The following LRIF1 variants were observed in gnomAD, a reference collection of about 807,000 sequenced individuals.
LRIF1 encodes the protein ligand-dependent nuclear receptor-interacting factor 1.
LRIF1 carries 32 observed loss-of-function variants against 52.7 expected under a neutral mutation model. That is an observed-to-expected ratio of 0.61 (90% CI 0.46 to 0.82). LRIF1 has a LOEUF of 0.82. Ranked by LOEUF, LRIF1 falls within the 40% of genes least tolerant of loss-of-function variation. LRIF1 has a pLI of 0.00. For synonymous variants in LRIF1, 323 were observed against 317.4 expected, an observed-to-expected ratio of 1.02 and a Z score of -0.19; for missense variants, 887 against 892.0, an observed-to-expected ratio of 0.99 and a Z score of 0.07.
the LRIF1 span, among the ~76,000 whole-genome samples, chr1:110,910,718 A>G: frequency 2.0e-5 from 3 of 152,234 alleles, no homozygotes; most frequent in Non-Finnish European, 4.4e-5. Context: ...CCACATAATT[A>G]CATGAAAATT....
At chr1:110,878,703 C>T in the LRIF1 span, among the ~76,000 whole-genome samples, 1 of 151,970 alleles carries the variant, frequency 6.6e-6, no homozygotes, top group East Asian at 1.9e-4. Context: ...GTTTCTCTAC[C>T]AAACACTTCC....
At chr1:110,890,808 A>G in the LRIF1 span, among the ~76,000 whole-genome samples, 1 of 152,240 alleles carries the variant, frequency 6.6e-6, no homozygotes, top group Non-Finnish European at 1.5e-5. Flanking sequence ...TCTGGAGGAT[A>G]GCTACTGCTT....
the LRIF1 span, chr1:110,940,527 C>T: frequency 6.6e-6 from 1 of 152,196 alleles, no homozygotes; most frequent in Non-Finnish European, 1.5e-5. Flanking sequence ...GATATCTGAA[C>T]TTCCATGTTT....
chr1:110,918,989 C>T, the LRIF1 span, among the ~76,000 whole-genome samples: 1 of 152,192 alleles, frequency 6.6e-6, no homozygotes, highest in African/African-American at 2.4e-5. Flanking sequence ...CCAGTTTACA[C>T]CTGAGTTAGA....
the LRIF1 span, chr1:110,880,146 A>G: frequency 1.4e-4 from 21 of 152,246 alleles, no homozygotes; most frequent in African/African-American, 4.8e-4. Context: ...GCATAGAACC[A>G]TGAGTCATGC....
At chr1:110,915,768 C>T in the LRIF1 span, among the ~76,000 whole-genome samples, 1 of 152,192 alleles carries the variant, frequency 6.6e-6, no homozygotes, top group South Asian at 2.1e-4. Context: ...TGTTCAAATG[C>T]TATTTATGTC....
In LRIF1 at chr1:110,951,917, C is replaced by T; in HGVS notation, c.967G>A (p.Asp323Asn). ...GTATTATCTCCCAAATTTTTCCTATCTACAAAAGTTTTTAAAATCTTTGAA... is the reference window on the plus strand; with the variant it reads ...GTATTATCTCCCAAATTTTTCCTATTTACAAAAGTTTTTAAAATCTTTGAA... ...VASKILKTFV[D>N]RKNLGDNTIN... The change falls in exon 2 of 4, where the codon GAT becomes AAT. Residue 323 changes from aspartate (D) to asparagine (N), a missense_variant. Physicochemically the swap from Asp to Asn is conservative, Grantham distance 23. Coordinates refer to ENST00000369763, the MANE Select transcript of LRIF1 (RefSeq NM_018372.4). 5 of 1,613,976 alleles carry T rather than the reference C, an allele frequency of 3.1e-6. No homozygotes were observed. Among genetic ancestry groups the T allele is most frequent in the Non-Finnish European group, 4.2e-6 (5 of 1,179,974 alleles).
the LRIF1 span, among the ~76,000 whole-genome samples, chr1:110,934,790 G>C: frequency 0.057 from 8,684 of 152,242 alleles, 296 homozygotes; most frequent in East Asian, 0.13. Flanking sequence ...AGGGAAGGAG[G>C]CGGGCCTGGC....
chr1:110,887,709 G>C, the LRIF1 span, among the ~76,000 whole-genome samples: 1 of 152,164 alleles, frequency 6.6e-6, no homozygotes, highest in African/African-American at 2.4e-5. Context: ...TGTGAATCTT[G>C]GAGTTTTCCA....
chr1:110,916,038 T>C, the LRIF1 span, among the ~76,000 whole-genome samples: 1 of 152,124 alleles, frequency 6.6e-6, no homozygotes, highest in African/African-American at 2.4e-5. Flanking sequence ...ATGTGAAATG[T>C]AGACCTTCAA....
intron 1 of LRIF1, among the ~76,000 whole-genome samples, chr1:110,962,357 G>A (rs1658997326): frequency 1.3e-5 from 2 of 151,960 alleles, no homozygotes; most frequent in South Asian, 4.1e-4. Context: ...CTCTTTTTAT[G>A]ATTTGAAATA....
intron 3 of LRIF1, among the ~76,000 whole-genome samples, chr1:110,949,081 C>CTGTGTG (rs985352950): frequency 2.6e-5 from 4 of 151,710 alleles, no homozygotes; most frequent in Non-Finnish European, 5.9e-5. Flanking sequence ...GCATTTTTAC[C>CTGTGTG]TGTGCGTGTG....
At chr1:110,924,582 A>G in the LRIF1 span, among the ~76,000 whole-genome samples, 3 of 152,332 alleles carry the variant, frequency 2.0e-5, 1 homozygote, top group South Asian at 4.1e-4. Context: ...ACTCACTATC[A>G]TGAGAACAAC....
At chr1:110,877,779 C>T in the LRIF1 span, among the ~76,000 whole-genome samples, 6 of 152,286 alleles carry the variant, frequency 3.9e-5, no homozygotes, top group South Asian at 2.1e-4. Context: ...TGAATGGACA[C>T]GAATACATGA....
chr1:110,944,717 T>G (rs997616279), downstream of LRIF1: 5 of 152,170 alleles, frequency 3.3e-5, no homozygotes, highest in Non-Finnish European at 7.3e-5. Flanking sequence ...TTAAAAATTT[T>G]AAAAACAAAA....
rs548690117 is a variant in LRIF1, at chr1:110,947,354, A to G, written c.*605T>C. 15 of 152,316 alleles carry G rather than the reference A, an allele frequency of 9.8e-5. No homozygotes were observed. Among genetic ancestry groups the G allele is most frequent in the African/African-American group, 3.1e-4 (13 of 41,564 alleles). 9.4% of individuals were successfully genotyped at this position (152,316 alleles called of 1,614,324 possible). A position where few individuals can be genotyped will look rare whatever the true frequency, so the allele number is the denominator to read the frequency against. On this transcript the variant is annotated 3_prime_UTR_variant, in exon 4 of 4. Coordinates refer to ENST00000369763, the MANE Select transcript of LRIF1 (RefSeq NM_018372.4). ...AAAACATCAAATGGCCTGAATTCTA[A>G]AATACCTTTGGATTATATAAAATTA...
chr1:110,931,694 G>A, the LRIF1 span, among the ~76,000 whole-genome samples: 1 of 152,132 alleles, frequency 6.6e-6, no homozygotes, highest in Admixed American at 6.5e-5. Context: ...GCATGAGATG[G>A]TATCTCATTG....
At chr1:110,895,081 G>C in the LRIF1 span, 1 of 1,516,128 alleles carries the variant, frequency 6.6e-7, no homozygotes, top group Non-Finnish European at 9.2e-7. Context: ...ATCCTCTTCA[G>C]ATCAGCCCAG....
At chr1:110,898,994 T>C in the LRIF1 span, 1 of 652,236 alleles carries the variant, frequency 1.5e-6, no homozygotes, top group Non-Finnish European at 2.7e-6. Context: ...GAGAGAGACT[T>C]GAAAGTAATG....
Sources: gnomAD v4.1 joint callset for allele counts (sites outside exome capture counted in the v4.1 genomes callset) on GRCh38, gnomAD v4.1.1 for gene constraint, MANE v1.5 for transcripts, NCBI Gene and HGNC (gene_info 2026-07-23, HGNC 2026-07-21) for gene names.